The following TRPS1 variants were observed in gnomAD, a reference collection of about 807,000 sequenced individuals.
TRPS1 encodes the protein transcriptional repressor GATA binding 1, also known as zinc finger transcription factor Trps1.
Under a neutral mutation model 101.2 loss-of-function variants are expected in TRPS1, and 6 were observed. The observed-to-expected ratio is 0.06, with a 90% CI of 0.03 to 0.12. The LOEUF (loss-of-function observed/expected upper bound fraction) is 0.12, where lower values mean the gene tolerates loss of function less well. Among genes scored for constraint, TRPS1 ranks in the 10% least tolerant of loss-of-function variants. The pLI is 1.00. For synonymous variants in TRPS1, 578 were observed against 589.8 expected (o/e 0.98, Z 0.29); for missense variants, 1,363 against 1,567.0 (o/e 0.87, Z 2.20).
chr8:115,600,128 A>G (rs1176650537), intron 4 of TRPS1, among the ~76,000 whole-genome samples: 1 of 152,210 alleles, frequency 6.6e-6, no homozygotes, highest in Admixed American at 6.5e-5. Context: ...GGCCGCATAA[A>G]TATCTTCTTT....
At chr8:115,530,948 G>T (rs1033926857) in intron 5 of TRPS1, among the ~76,000 whole-genome samples, 1 of 151,998 alleles carries the variant, frequency 6.6e-6, no homozygotes, top group African/African-American at 2.4e-5. Context: ...GGGAAGGGGG[G>T]AGGGATAGCA....
intron 4 of TRPS1, among the ~76,000 whole-genome samples, chr8:115,597,619 A>AT (rs775234661): frequency 2.0e-5 from 3 of 151,980 alleles, no homozygotes; most frequent in Non-Finnish European, 4.4e-5. Context: ...ATTTTGAAAA[A>AT]TTTTTTGTGC....
chr8:115,471,991 G>A (rs145601079), intron 5 of TRPS1, among the ~76,000 whole-genome samples: 20 of 152,322 alleles, frequency 1.3e-4, no homozygotes, highest in African/African-American at 4.8e-4. Flanking sequence ...CTGAGTGTCT[G>A]CAGTTTTTCT....
chr8:115,633,717 T>C (rs1818702458), intron 1 of TRPS1, among the ~76,000 whole-genome samples: 2 of 152,134 alleles, frequency 1.3e-5, no homozygotes, highest in African/African-American at 4.8e-5. Context: ...GATTCATGTA[T>C]CTAAAATTCT....
intron 5 of TRPS1, among the ~76,000 whole-genome samples, chr8:115,515,868 T>C (rs2170740): frequency 0.56 from 84,133 of 151,096 alleles, 24,100 homozygotes; most frequent in East Asian, 0.84. Flanking sequence ...GCAAAATTCA[T>C]GACAGAGTAA....
chr8:115,648,296 G>A (rs1435515582), intron 1 of TRPS1, among the ~76,000 whole-genome samples: 1 of 152,146 alleles, frequency 6.6e-6, no homozygotes, highest in Non-Finnish European at 1.5e-5. Context: ...GAGGGAGGAG[G>A]AGAGGGAGGC....
Position 115,604,244 on chromosome 8 carries a change from T to C in TRPS1, c.1725A>G (p.Lys575=), listed in dbSNP as rs1339608889. The part of the protein sequence containing the change: ...QLHNIHKCTI[K]HCPFCPRGLC... ...GTCCTCTGGGACAGAATGGACAGTG[T>C]TTAATGGTACACTTGTGAATGTTAT... Residue 575 remains lysine, a synonymous_variant, in exon 4 of 7, where the codon AAA becomes AAG. Coordinates refer to ENST00000395715, the MANE Select transcript of TRPS1 (RefSeq NM_014112.5). This position sits in a 1 kb window ranked among gnomAD's most constrained non-coding sequence, Gnocchi z 4.1. The C allele has an allele frequency of 1.9e-6, 3 of 1,614,076 alleles. No individual in the cohort carries two copies. Among genetic ancestry groups the C allele is most frequent in the South Asian group, 1.1e-5 (1 of 91,086 alleles).
At chr8:115,590,109 G>T (rs979414729) in intron 4 of TRPS1, among the ~76,000 whole-genome samples, 1 of 151,874 alleles carries the variant, frequency 6.6e-6, no homozygotes, top group South Asian at 2.1e-4. Flanking sequence ...AGAGCGAGAC[G>T]CCATCTCAAA....
chr8:115,664,789 C>T (rs1811883688), intron 1 of TRPS1, among the ~76,000 whole-genome samples: 1 of 152,078 alleles, frequency 6.6e-6, no homozygotes, highest in Non-Finnish European at 1.5e-5. Flanking sequence ...GTTTTCTATG[C>T]CTGCTAAAAA....
intron 5 of TRPS1, among the ~76,000 whole-genome samples, chr8:115,509,417 G>C (rs1815525869): frequency 6.6e-6 from 1 of 151,966 alleles, no homozygotes. Flanking sequence ...TGTGGGGAAG[G>C]GTTTGGTGAA....
rs1051656695 is a variant in TRPS1, at chr8:115,540,003, G to T, written c.2700+46998C>A. ...ATTGTTTTTCTCTTGAATGAGAGTT[G>T]CATATGTTTGGCAACAGAACTTTCA... On this transcript the variant is annotated intron_variant, in intron 5 of 6. Coordinates refer to ENST00000395715, the MANE Select transcript of TRPS1 (RefSeq NM_014112.5). Among the ~76,000 whole-genome samples the T allele has an allele frequency of 5.9e-5, 9 of 152,278 alleles. No homozygotes were observed. The South Asian group carries it at 1.7e-3, about 28-fold the overall frequency.
chr8:115,427,698 C>T (rs1563723944), intron 5 of TRPS1, among the ~76,000 whole-genome samples: 3 of 152,026 alleles, frequency 2.0e-5, no homozygotes. Flanking sequence ...CTTCAAACCA[C>T]CCAATAACAG....
At chr8:115,450,508 C>T (rs1486056781) in intron 5 of TRPS1, among the ~76,000 whole-genome samples, 3 of 151,516 alleles carry the variant, frequency 2.0e-5, no homozygotes, top group Admixed American at 6.6e-5. Flanking sequence ...CTAGCTAATG[C>T]GCTGACTCTT....
intron 5 of TRPS1, among the ~76,000 whole-genome samples, chr8:115,535,369 A>C (rs1816284194): frequency 1.3e-5 from 2 of 148,500 alleles, no homozygotes; most frequent in African/African-American, 4.9e-5. Flanking sequence ...GCACATATAT[A>C]TAGCATATAT....
At chr8:115,545,993 A>G (rs1816561199) in intron 5 of TRPS1, among the ~76,000 whole-genome samples, 1 of 152,134 alleles carries the variant, frequency 6.6e-6, no homozygotes, top group African/African-American at 2.4e-5. Flanking sequence ...AAAGTATATA[A>G]CAATGGAATT....
chr8:115,509,067 C>G (rs1367846699), intron 5 of TRPS1, among the ~76,000 whole-genome samples: 1 of 151,970 alleles, frequency 6.6e-6, no homozygotes, highest in African/African-American at 2.4e-5. Context: ...TAAAATTCCT[C>G]TCTGTGGCTC....
intron 4 of TRPS1, among the ~76,000 whole-genome samples, chr8:115,590,059 G>A (rs1374231030): frequency 6.6e-6 from 1 of 152,172 alleles, no homozygotes; most frequent in East Asian, 1.9e-4. Context: ...GGAGGTTGCA[G>A]TGAGCCGAGA....
rs951613215 is a variant in TRPS1 at position 115,572,453 on chromosome 8, T to C, written c.2700+14548A>G. Among the ~76,000 whole-genome samples the C allele has an allele frequency of 1.5e-3, 27 of 17,480 alleles. 1 individual carries two copies. The South Asian group carries it at 0.027, about 18-fold the overall frequency. The allele number at this position is 17,480 out of a possible 152,430, so 11.5% of individuals were successfully genotyped here. A position where few individuals can be genotyped will look rare whatever the true frequency, so the allele number is the denominator to read the frequency against. On this transcript the variant is annotated intron_variant, in intron 5 of 6. Transcript: ENST00000395715. ...TAAATTTCTACAACATTTTGCTATT[T>C]TTTTTTTGTTATTGTTGTTGTTTTT...
intron 5 of TRPS1, among the ~76,000 whole-genome samples, chr8:115,512,470 CTG>C (rs1237379060): frequency 2.0e-5 from 3 of 151,396 alleles, no homozygotes; most frequent in Non-Finnish European, 4.4e-5. Flanking sequence ...CTAGAAATAA[CTG>C]TATCATTCTT....
Sources: gnomAD v4.1 joint callset for allele counts (sites outside exome capture counted in the v4.1 genomes callset) on GRCh38, gnomAD v4.1.1 for gene constraint, Gnocchi (gnomAD v3.1) non-coding constraint, MANE v1.5 for transcripts, NCBI Gene and HGNC (gene_info 2026-07-23, HGNC 2026-07-21) for gene names.